The following CDH13 variants were observed in gnomAD, a reference collection of about 807,000 sequenced individuals.
CDH13 encodes the protein cadherin-13.
CDH13 carries 24 observed loss-of-function variants against 63.8 expected under a neutral mutation model. The observed-to-expected ratio is 0.38, with a 90% CI of 0.27 to 0.53. CDH13 has a LOEUF of 0.53. Among genes scored for constraint, CDH13 ranks in the 20% least tolerant of loss-of-function variants. The pLI, the probability that CDH13 is intolerant of heterozygous loss-of-function variation, is 0.85. For missense variants in CDH13, 1,049 were observed against 903.1 expected (o/e 1.16, Z -2.07); for synonymous variants, 503 against 355.3 (o/e 1.42, Z -4.67).
At chr16:83,544,670 A>G (rs574869653) in intron 7 of CDH13, among the ~76,000 whole-genome samples, 52 of 152,334 alleles carry the variant, frequency 3.4e-4, no homozygotes, top group Non-Finnish European at 5.0e-4. Flanking sequence ...TATTGAATGC[A>G]TATCACTTTC....
chr16:82,900,680 C>T (rs768953914), intron 2 of CDH13, among the ~76,000 whole-genome samples: 5 of 152,092 alleles, frequency 3.3e-5, no homozygotes, highest in Non-Finnish European at 5.9e-5. Context: ...CCCGAGGAGA[C>T]GGGAGGGATG....
chr16:83,246,814 G>C (rs1401705035), intron 5 of CDH13, among the ~76,000 whole-genome samples: 1 of 152,132 alleles, frequency 6.6e-6, no homozygotes, highest in Non-Finnish European at 1.5e-5. Flanking sequence ...GTTCAGTTGG[G>C]ACATTGCCGT....
chr16:83,453,212 G>A (rs8050014), intron 6 of CDH13, among the ~76,000 whole-genome samples: 149,676 of 152,208 alleles, frequency 0.98, 73,641 homozygotes, highest in Middle Eastern at 1. Flanking sequence ...TTGGGGATTC[G>A]GGGGAAAGGG....
At chr16:83,254,150 C>G (rs1227432193) in intron 5 of CDH13, among the ~76,000 whole-genome samples, 1 of 152,154 alleles carries the variant, frequency 6.6e-6, no homozygotes, top group Non-Finnish European at 1.5e-5. Flanking sequence ...GAGTTAGGGG[C>G]TTAAATCCAG....
At chr16:82,701,376 T>C (rs942776599) in intron 1 of CDH13, among the ~76,000 whole-genome samples, 4 of 152,160 alleles carry the variant, frequency 2.6e-5, no homozygotes, top group African/African-American at 7.2e-5. Context: ...ACTAAGACTT[T>C]TAACATTTCT....
chr16:82,883,351 G>A (rs941618950), intron 2 of CDH13, among the ~76,000 whole-genome samples: 4 of 152,206 alleles, frequency 2.6e-5, no homozygotes, highest in South Asian at 2.1e-4. Context: ...AAAGGAAGCA[G>A]CTGTTGTAGG....
chr16:83,236,581 A>C (rs752145144), intron 5 of CDH13, among the ~76,000 whole-genome samples: 3 of 152,196 alleles, frequency 2.0e-5, no homozygotes, highest in African/African-American at 4.8e-5. Flanking sequence ...CTGCAAGGCT[A>C]TTCTGGAAAA....
chr16:83,508,477 C>T lies in CDH13; in HGVS notation c.960+21822C>T, dbSNP rs115777277. Reference sequence around the variant, plus strand: ...CATACAGGCTTTCAACCTGTTAATCCCTGCAGCTGCCTGCCTGGACTTTCC... The same window carrying T: ...CATACAGGCTTTCAACCTGTTAATCTCTGCAGCTGCCTGCCTGGACTTTCC... On this transcript the variant is annotated intron_variant, in intron 7 of 13. Coordinates refer to ENST00000567109, the MANE Select transcript of CDH13 (RefSeq NM_001257.5). 8 of 152,876 alleles carry T rather than the reference C, an allele frequency of 5.2e-5. No individual in the cohort carries two copies. In the Admixed American group the frequency reaches 5.2e-4, roughly 10 times the overall value. The allele number at this position is 152,876 out of a possible 1,614,324, so 9.5% of individuals were successfully genotyped here.
chr16:82,746,002 C>G (rs563944917), intron 1 of CDH13, among the ~76,000 whole-genome samples: 11 of 152,148 alleles, frequency 7.2e-5, no homozygotes, highest in Admixed American at 2.0e-4. Context: ...TATCCATTCA[C>G]AAGTTTAATT....
At chr16:82,815,234 G>A (rs1177140641) in intron 1 of CDH13, among the ~76,000 whole-genome samples, 1 of 152,046 alleles carries the variant, frequency 6.6e-6, no homozygotes. Context: ...AGAGAGTAAG[G>A]CACAGAGACC....
intron 6 of CDH13, among the ~76,000 whole-genome samples, chr16:83,443,464 T>C (rs147909162): frequency 0.011 from 1,653 of 152,234 alleles, 31 homozygotes; most frequent in African/African-American, 0.038. Flanking sequence ...TTAATCAAAA[T>C]GTCTAGAGAA....
At chr16:83,561,997 A>G (rs1338313057) in intron 7 of CDH13, among the ~76,000 whole-genome samples, 1 of 152,210 alleles carries the variant, frequency 6.6e-6, no homozygotes, top group African/African-American at 2.4e-5. Flanking sequence ...CAGAGTCAAG[A>G]TCCTAGAGAG....
At chr16:82,872,375 G>A (rs2040370843) in intron 2 of CDH13, among the ~76,000 whole-genome samples, 1 of 152,124 alleles carries the variant, frequency 6.6e-6, no homozygotes, top group Admixed American at 6.5e-5. Context: ...TTCTGGAGCT[G>A]GTATAAATCT....
chr16:82,822,901 G>T (rs1413933470), intron 1 of CDH13, among the ~76,000 whole-genome samples: 1 of 152,178 alleles, frequency 6.6e-6, no homozygotes, highest in Non-Finnish European at 1.5e-5. Context: ...GGATCTCAGG[G>T]TTTCTGATGG....
intron 1 of CDH13, among the ~76,000 whole-genome samples, chr16:82,636,648 G>T (rs1908691370): frequency 6.6e-6 from 1 of 152,030 alleles, no homozygotes; most frequent in African/African-American, 2.4e-5. Context: ...TAGCCTTGGT[G>T]ACTTCTGTTT....
At chr16:83,560,823 T>A (rs2075689801) in intron 7 of CDH13, among the ~76,000 whole-genome samples, 1 of 152,078 alleles carries the variant, frequency 6.6e-6, no homozygotes, top group Non-Finnish European at 1.5e-5. Flanking sequence ...TATGAGTTGG[T>A]TCCCCTTTGG....
intron 13 of CDH13, among the ~76,000 whole-genome samples, chr16:83,788,038 C>A (rs1234875488): frequency 1.3e-5 from 2 of 152,206 alleles, no homozygotes; most frequent in Admixed American, 6.5e-5. Flanking sequence ...GATAAAAATT[C>A]TATGTGTGTG....
At chr16:83,198,978 G>C (rs2038951952) in intron 4 of CDH13, among the ~76,000 whole-genome samples, 1 of 152,142 alleles carries the variant, frequency 6.6e-6, no homozygotes, top group South Asian at 2.1e-4. Flanking sequence ...TTCTTCTCTT[G>C]AGAACATTTT....
At chr16:83,048,827 A>G (rs74894165) in intron 3 of CDH13, among the ~76,000 whole-genome samples, 3,928 of 152,166 alleles carry the variant, frequency 0.026, 170 homozygotes, top group African/African-American at 0.088. Flanking sequence ...AACGTGGTCA[A>G]ATCTTCCCAG....
Sources: gnomAD v4.1 joint callset for allele counts (sites outside exome capture counted in the v4.1 genomes callset) on GRCh38, gnomAD v4.1.1 for gene constraint, MANE v1.5 for transcripts, NCBI Gene and HGNC (gene_info 2026-07-23, HGNC 2026-07-21) for gene names.